The following ECPAS variants were observed in gnomAD, a reference collection of about 807,000 sequenced individuals.
The protein encoded by ECPAS is proteasome adapter and scaffold protein ECM29.
A neutral mutation model predicts 255.1 loss-of-function variants in ECPAS; 70 were observed. The observed-to-expected ratio is 0.27, with a 90% CI of 0.23 to 0.33. ECPAS has a LOEUF of 0.33. ECPAS is among the 10% of genes least tolerant of loss of function. The pLI, the probability that ECPAS is intolerant of heterozygous loss-of-function variation, is 1.00. For synonymous variants in ECPAS, 784 were observed against 775.0 expected, an observed-to-expected ratio of 1.01 and a Z score of -0.19; for missense variants, 1,817 against 2,206.4, an observed-to-expected ratio of 0.82 and a Z score of 3.54.
At chr9:111,388,295 T>C (rs2098153595) in intron 31 of ECPAS, among the ~76,000 whole-genome samples, 1 of 150,098 alleles carries the variant, frequency 6.7e-6, no homozygotes, top group Non-Finnish European at 1.5e-5. Flanking sequence ...GAGATGACAC[T>C]CACGTCTCAA....
At chr9:111,428,334 T>A (rs1374220965) in intron 9 of ECPAS, among the ~76,000 whole-genome samples, 173 bp from the exon 10 acceptor site, 1 of 152,204 alleles carries the variant, frequency 6.6e-6, no homozygotes, top group Non-Finnish European at 1.5e-5. Flanking sequence ...GTGTAACCTA[T>A]CAATATTTAC....
chr9:111,384,620 A>G (rs2098145159), intron 33 of ECPAS, 51 bp from the exon 34 acceptor site: 4 of 1,534,776 alleles, frequency 2.6e-6, no homozygotes, highest in African/African-American at 1.4e-5. Context: ...TTTCACTATC[A>G]TCTACTCTAC....
rs1203170837 is a variant in ECPAS at position 111,407,559 on chromosome 9, T to TA, written c.2652+1011dup. Among the ~76,000 whole-genome samples the TA allele has an allele frequency of 2.0e-5, 3 of 151,838 alleles. No individual in the cohort carries two copies. The East Asian group carries it at 5.8e-4, about 29-fold the overall frequency. On this transcript the variant is annotated intron_variant, in intron 24 of 49. Transcript: ENST00000684092. ...GACATCCCAGGAGACGTAGATTGTC[T>TA]AAAAAAATTCACTTTAAAAATACTG...
In ECPAS at chr9:111,389,697, A is replaced by T; in HGVS notation, c.3306T>A (p.Ile1102=). Residue 1102 remains isoleucine (I), a synonymous_variant, in exon 31 of 50, where the codon ATT becomes ATA. Transcript: ENST00000684092. ...CCAGCTGCTCTCCAGCTCTGGTAGC[A>T]ATTACATTAAAACCAAAAGCAGCAC... ...RKGAAFGFNV[I]ATRAGEQLAP... The T allele has an allele frequency of 1.2e-6, 2 of 1,613,004 alleles. No homozygotes were observed. Among genetic ancestry groups the T allele is most frequent in the Non-Finnish European group, 1.7e-6 (2 of 1,179,524 alleles).
At chr9:111,371,503 A>C (rs1480011502) in intron 43 of ECPAS, 118 bp downstream of exon 43, 1 of 971,668 alleles carries the variant, frequency 1.0e-6, no homozygotes, top group Non-Finnish European at 1.6e-6. Flanking sequence ...ACTGTCTAGG[A>C]AATCTAGTTC....
At chr9:111,444,578 C>T in intron 3 of ECPAS, 84 bp from the exon 4 acceptor site, 1 of 901,466 alleles carries the variant, frequency 1.1e-6, no homozygotes, top group South Asian at 1.6e-5. Context: ...CAGATGTTAT[C>T]TATGTTAGTG....
chr9:111,421,177 A>G lies in ECPAS; in HGVS notation c.1455+744T>C, dbSNP rs140855001. ...CCATCATAGTAAGCTTTCTGAATGT[A>G]TATAATAGCACATTTAACCCTGTCA... is the stretch of plus-strand genomic sequence containing the variant. On this transcript the variant is annotated intron_variant, in intron 15 of 49. Transcript: ENST00000684092. 5.3e-4 allele frequency among the ~76,000 whole-genome samples: 81 copies of G among 152,342 alleles called. 1 individual carries two copies. The highest frequency in any genetic ancestry group is 1.8e-3 in the African/African-American group (74 of 41,580).
chr9:111,452,838 A>G (rs1279871679), intron 2 of ECPAS, among the ~76,000 whole-genome samples: 2 of 152,164 alleles, frequency 1.3e-5, no homozygotes, highest in Admixed American at 1.3e-4. Flanking sequence ...TTGTTTTTCA[A>G]TACCATTCTC....
intron 1 of ECPAS, among the ~76,000 whole-genome samples, chr9:111,481,213 G>A (rs2098304519): frequency 6.6e-6 from 1 of 152,178 alleles, no homozygotes; most frequent in South Asian, 2.1e-4. Flanking sequence ...CAGTACAGTG[G>A]GGGCCGGGCG....
chr9:111,481,556 A>T lies in ECPAS; in HGVS notation c.-83+2560T>A, dbSNP rs535636204. On this transcript the variant is annotated intron_variant, in intron 1 of 49. Transcript: ENST00000684092. ...CAGTACAGTGGTTCCTTAAAAATTTAAAACTAGAACTATCACATGATCCAG... is the reference window on the plus strand; with the variant it reads ...CAGTACAGTGGTTCCTTAAAAATTTTAAACTAGAACTATCACATGATCCAG... 5.9e-5 allele frequency among the ~76,000 whole-genome samples: 9 copies of T among 152,296 alleles called. No homozygotes were observed. The South Asian group carries it at 1.2e-3, about 21-fold the overall frequency.
intron 1 of ECPAS, among the ~76,000 whole-genome samples, chr9:111,482,958 T>C (rs2098308645): frequency 1.3e-5 from 2 of 152,130 alleles, no homozygotes; most frequent in African/African-American, 2.4e-5. Flanking sequence ...CACCCCGTGG[T>C]TTCTCCTGCG....
intron 12 of ECPAS, among the ~76,000 whole-genome samples, chr9:111,424,659 A>G (rs2098218860): frequency 6.6e-6 from 1 of 152,242 alleles, no homozygotes. Flanking sequence ...ATGTTTTGAC[A>G]GAATTTTGAA....
chr9:111,392,178 T>G (rs1251937986), intron 28 of ECPAS, among the ~76,000 whole-genome samples: 1 of 152,164 alleles, frequency 6.6e-6, no homozygotes, highest in Non-Finnish European at 1.5e-5. Flanking sequence ...AGGCAGAGGT[T>G]GCAGTGAGCT....
chr9:111,423,432 C>T (rs1275016096), intron 12 of ECPAS, among the ~76,000 whole-genome samples, 184 bp from the exon 13 acceptor site: 1 of 152,162 alleles, frequency 6.6e-6, no homozygotes, highest in Non-Finnish European at 1.5e-5. Flanking sequence ...AATGTCCAAA[C>T]CCAGAATCCA....
intron 35 of ECPAS, among the ~76,000 whole-genome samples, chr9:111,380,107 G>T (rs1331054109): frequency 6.6e-6 from 1 of 152,218 alleles, no homozygotes; most frequent in African/African-American, 2.4e-5. Context: ...ATCAATGGCA[G>T]CTCTAGCCTT....
chr9:111,425,118 G>C (rs551639925), intron 12 of ECPAS, among the ~76,000 whole-genome samples: 2 of 151,836 alleles, frequency 1.3e-5, no homozygotes, highest in African/African-American at 4.8e-5. Flanking sequence ...ACCAGGAGCC[G>C]GAGGTTGCAG....
intron 8 of ECPAS, 57 bp downstream of exon 8, chr9:111,433,176 G>A: frequency 6.4e-7 from 1 of 1,570,642 alleles, no homozygotes; most frequent in Non-Finnish European, 8.7e-7. Flanking sequence ...AATGTGTCAA[G>A]TAAGTTTTTA....
At chr9:111,433,104 T>C in intron 8 of ECPAS, 129 bp downstream of exon 8, 1 of 867,370 alleles carries the variant, frequency 1.2e-6, no homozygotes, top group Non-Finnish European at 1.8e-6. Context: ...GATTACAAAC[T>C]AGGTATATTT....
chr9:111,427,118 C>T (rs2098222832), intron 10 of ECPAS, among the ~76,000 whole-genome samples: 1 of 148,250 alleles, frequency 6.7e-6, no homozygotes, highest in Non-Finnish European at 1.5e-5. Flanking sequence ...AAGATTGTGC[C>T]ACTGCACTCC....
Sources: allele counts gnomAD v4.1 joint callset (sites outside exome capture counted in the v4.1 genomes callset), GRCh38; gene constraint gnomAD v4.1.1; transcripts MANE v1.5; gene names NCBI Gene and HGNC (gene_info 2026-07-23, HGNC 2026-07-21).